Variants in PTRH1 observed in about 807,000 individuals in gnomAD.
PTRH1 encodes the protein peptidyl-tRNA hydrolase 1 homolog.
In PTRH1, 13 loss-of-function variants were observed where a neutral mutation model predicts 15.7. The ratio of observed to expected loss-of-function variants is 0.83; its 90% CI spans 0.54 to 1.31. The LOEUF (loss-of-function observed/expected upper bound fraction) is 1.31, where lower values mean the gene tolerates loss of function less well. PTRH1 is among the 40% of genes most tolerant of loss of function. The pLI, the probability that PTRH1 is intolerant of heterozygous loss-of-function variation, is 0.00. For synonymous variants in PTRH1, 139 were observed against 136.7 expected (o/e 1.02, Z -0.12); for missense variants, 319 against 296.2 (o/e 1.08, Z -0.56).
chr9:127,711,091 C>A, downstream of PTRH1: 1 of 1,100,086 alleles, frequency 9.1e-7, no homozygotes, highest in Non-Finnish European at 1.3e-6. Flanking sequence ...AAGCCTCCCA[C>A]CCATAGCCCC....
intron 1 of PTRH1, among the ~76,000 whole-genome samples, chr9:127,701,827 T>C (rs993938694): frequency 1.3e-5 from 2 of 151,778 alleles, no homozygotes; most frequent in African/African-American, 4.8e-5. Context: ...AGCAGGAGAA[T>C]TGCTTGAACC....
intron 1 of PTRH1, chr9:127,707,053 A>C: frequency 6.2e-7 from 1 of 1,613,950 alleles, no homozygotes; most frequent in Non-Finnish European, 8.5e-7. Context: ...AAAGAGTGTG[A>C]GCAAGGCAGG....
downstream of PTRH1, chr9:127,713,223 C>T (rs371849608): frequency 2.0e-6 from 3 of 1,513,974 alleles, no homozygotes; most frequent in African/African-American, 4.2e-5. Context: ...GTGCCAGGGG[C>T]CCCAGGGAAA....
chr9:127,715,623 A>C lies in PTRH1; in HGVS notation c.17T>G (p.Phe6Cys). The C allele has an allele frequency of 6.2e-7, 1 of 1,612,502 alleles. No homozygotes were observed. The highest frequency in any genetic ancestry group is 8.5e-7 in the Non-Finnish European group (1 of 1,179,896). ...ACTCAGCCGCTGTCCGGCGCCCAAA[A>C]AGCCGCCCGGCCTCATGCTGCCCCC... MRPGG[F>C]LGAGQRLSRA... is the part of the protein sequence containing the mutation. The change falls in exon 1 of 5, where the codon TTT (phenylalanine) becomes TGT (cysteine). Residue 6 changes from phenylalanine to cysteine, a missense_variant. Physicochemically the swap from Phe to Cys is radical, Grantham distance 205. Transcript: ENST00000543175. The surrounding 1 kb of genome is among the most constrained non-coding windows in gnomAD (Gnocchi z 5.8).
chr9:127,696,238 G>A (rs1334452549), intron 1 of PTRH1, among the ~76,000 whole-genome samples: 6 of 152,106 alleles, frequency 3.9e-5, no homozygotes, highest in Non-Finnish European at 8.8e-5. Flanking sequence ...CAGGAGGCTG[G>A]GGTGGGAGGA....
rs1472301439 is a variant in PTRH1 at position 127,715,221 on chromosome 9, G to A, written c.97-27C>T. 1 of 1,524,374 alleles carries A rather than the reference G, an allele frequency of 6.6e-7. No individual in the cohort carries two copies. The allele number at this position is 1,524,374 out of a possible 1,614,324, so 94.4% of individuals were successfully genotyped here. A position where few individuals can be genotyped will look rare whatever the true frequency, so the allele number is the denominator to read the frequency against. ...TGCGGGCGGCACCAGGGAAACTGAG[G>A]CCCAACAACTCTCGCCACCCCCGAT... is the stretch of plus-strand genomic sequence containing the variant. On this transcript the variant is annotated intron_variant, in intron 1 of 4. Coordinates refer to ENST00000543175, the MANE Select transcript of PTRH1 (RefSeq NM_001002913.3). This position sits in a 1 kb window ranked among gnomAD's most constrained non-coding sequence, Gnocchi z 5.8.
At chr9:127,703,340 G>A (rs1415694963) in intron 1 of PTRH1, among the ~76,000 whole-genome samples, 1 of 151,956 alleles carries the variant, frequency 6.6e-6, no homozygotes, top group Non-Finnish European at 1.5e-5. Context: ...CATCTACCTG[G>A]GAAGCTGAGG....
chr9:127,696,509 G>A (rs533135653), intron 1 of PTRH1, among the ~76,000 whole-genome samples: 1 of 152,278 alleles, frequency 6.6e-6, no homozygotes, highest in South Asian at 2.1e-4. Context: ...CAGTTAGTAC[G>A]TGGCAGAGAC....
chr9:127,711,910 C>T, downstream of PTRH1: 6 of 1,604,472 alleles, frequency 3.7e-6, no homozygotes, highest in Non-Finnish European at 5.1e-6. Flanking sequence ...CCAGTTGGAG[C>T]AGAGATCCCT....
exon 2 of PTRH1, chr9:127,695,131 C>A: frequency 1.4e-6 from 1 of 697,200 alleles, no homozygotes; most frequent in Non-Finnish European, 2.6e-6. Context: ...GACGATGAGT[C>A]CAAGCCAAGC....
At chr9:127,694,320 A>G (rs1449620175) in intron 2 of PTRH1, among the ~76,000 whole-genome samples, 1 of 152,160 alleles carries the variant, frequency 6.6e-6, no homozygotes, top group Non-Finnish European at 1.5e-5. Context: ...AAATTGTTCT[A>G]AGCCAAATTT....
intron 1 of PTRH1, among the ~76,000 whole-genome samples, chr9:127,704,524 GAAAAGA>G (rs1277416720): frequency 7.0e-5 from 10 of 143,122 alleles, no homozygotes; most frequent in African/African-American, 2.6e-4. Flanking sequence ...AAAAAAAAAA[GAAAAGA>G]AAAAGAAAAA....
downstream of PTRH1, chr9:127,711,544 G>T (rs751481755): frequency 3.8e-6 from 6 of 1,584,616 alleles, no homozygotes; most frequent in Non-Finnish European, 5.1e-6. Context: ...CAAGGCAGGA[G>T]GCCGCCCTGG....
At chr9:127,706,332 C>T (rs1375625353) in intron 1 of PTRH1, among the ~76,000 whole-genome samples, 1 of 152,212 alleles carries the variant, frequency 6.6e-6, no homozygotes, top group Non-Finnish European at 1.5e-5. Context: ...TCTAGTTGCT[C>T]CAAGAAACCA....
downstream of PTRH1, chr9:127,712,528 G>A (rs915459257): frequency 5.3e-6 from 8 of 1,497,944 alleles, no homozygotes; most frequent in African/African-American, 8.4e-5. Flanking sequence ...TCTTAAAGGA[G>A]CTGGATTCCT....
At chr9:127,702,237 G>A (rs1185150039) in intron 1 of PTRH1, among the ~76,000 whole-genome samples, 1 of 151,862 alleles carries the variant, frequency 6.6e-6, no homozygotes, top group Non-Finnish European at 1.5e-5. Flanking sequence ...GGCAGGCATG[G>A]TGATGGGCGC....
chr9:127,712,592 TA>T, downstream of PTRH1: 1 of 1,578,854 alleles, frequency 6.3e-7, no homozygotes, highest in Non-Finnish European at 8.6e-7. Context: ...GAAGAATGGG[TA>T]TCCCACCACA....
At chr9:127,707,496 C>T (rs569508639) in intron 1 of PTRH1, among the ~76,000 whole-genome samples, 3 of 152,248 alleles carry the variant, frequency 2.0e-5, no homozygotes, top group African/African-American at 4.8e-5. Flanking sequence ...CATGGGATCA[C>T]AGGCTTTATG....
downstream of PTRH1, among the ~76,000 whole-genome samples, chr9:127,710,242 C>CACT (rs1842731394): frequency 6.8e-6 from 1 of 148,134 alleles, no homozygotes; most frequent in Admixed American, 6.8e-5. Flanking sequence ...GTGACTGTGC[C>CACT]ACTGCACTCC....
Sources: allele counts gnomAD v4.1 joint callset (sites outside exome capture counted in the v4.1 genomes callset), GRCh38; gene constraint gnomAD v4.1.1; non-coding constraint Gnocchi (gnomAD v3.1); transcripts MANE v1.5; gene names NCBI Gene and HGNC (gene_info 2026-07-23, HGNC 2026-07-21).